ATXN7: variants seen among roughly 807,000 people sequenced by gnomAD.
ATXN7 encodes ataxin 7, also known as ataxin-7.
A neutral mutation model predicts 70.5 loss-of-function variants in ATXN7; 12 were observed. That is an observed-to-expected ratio of 0.17 (90% CI 0.11 to 0.28). The LOEUF is 0.28. Among genes scored for constraint, ATXN7 ranks in the 10% least tolerant of loss-of-function variants. The pLI is 1.00. For missense variants in ATXN7, 1,256 were observed against 1,131.7 expected, an observed-to-expected ratio of 1.11 and a Z score of -1.58; for synonymous variants, 498 against 448.7, an observed-to-expected ratio of 1.11 and a Z score of -1.39.
intron 1 of ATXN7, among the ~76,000 whole-genome samples, chr3:63,872,672 T>C (rs960083686): frequency 9.9e-5 from 15 of 152,222 alleles, no homozygotes; most frequent in African/African-American, 3.6e-4. Flanking sequence ...CCAAGTCATA[T>C]TGCACAGGAT....
At chr3:63,865,873 C>T (rs62250881) in intron 1 of ATXN7, among the ~76,000 whole-genome samples, 54 of 109,974 alleles carry the variant, frequency 4.9e-4, no homozygotes, top group African/African-American at 1.9e-3. Flanking sequence ...CCAGCCTGGG[C>T]GACAGAGCGA....
intron 5 of ATXN7, among the ~76,000 whole-genome samples, chr3:63,979,648 T>A (rs770170259): frequency 2.6e-5 from 4 of 152,160 alleles, no homozygotes; most frequent in African/African-American, 9.6e-5. Context: ...TTCTCATGTT[T>A]ACGATGGTTG....
At chr3:63,865,183 G>A (rs1403252108) in intron 1 of ATXN7, 1 of 152,222 alleles carries the variant, frequency 6.6e-6, no homozygotes, top group African/African-American at 2.4e-5. Flanking sequence ...AGAAGTTGCA[G>A]ATGCAAATGT....
At chr3:63,994,898 C>T (rs1015752070) in intron 11 of ATXN7, among the ~76,000 whole-genome samples, 5 of 152,244 alleles carry the variant, frequency 3.3e-5, no homozygotes, top group South Asian at 4.1e-4. Flanking sequence ...ACATTCTTAA[C>T]AGAATCCATT....
At chr3:63,930,571 G>T (rs1704911503) in intron 4 of ATXN7, among the ~76,000 whole-genome samples, 1 of 148,320 alleles carries the variant, frequency 6.7e-6, no homozygotes, top group Non-Finnish European at 1.5e-5. Flanking sequence ...TCGCTCTGTT[G>T]CCCAGGCTGG....
rs184678476 is a variant in ATXN7 at position 64,001,536 on chromosome 3, C to G, written c.*2069C>G. ...GCCTTTAGCAATGGAATTTACAGAT[C>G]GATCATGTTGTTCCGAAAGATGTGA... On this transcript the variant is annotated 3_prime_UTR_variant, in exon 13 of 13. Transcript: ENST00000674280. 6.6e-6 allele frequency: 1 copy of G among 152,288 alleles called. No homozygotes were observed. Among genetic ancestry groups the G allele is most frequent in the East Asian group, 1.9e-4 (1 of 5,184 alleles). 9.4% of individuals were successfully genotyped at this position (152,288 alleles called of 1,614,324 possible). A position where few individuals can be genotyped will look rare whatever the true frequency, so the allele number is the denominator to read the frequency against.
chr3:63,868,707 T>C (rs1032869812), intron 1 of ATXN7, among the ~76,000 whole-genome samples: 2 of 152,146 alleles, frequency 1.3e-5, no homozygotes, highest in African/African-American at 4.8e-5. Context: ...AGCATTATAT[T>C]TCTCTCTGTG....
At chr3:63,893,584 A>G (rs1703351960) in intron 1 of ATXN7, among the ~76,000 whole-genome samples, 1 of 152,214 alleles carries the variant, frequency 6.6e-6, no homozygotes, top group Non-Finnish European at 1.5e-5. Context: ...CTTTAAAAAT[A>G]AGACTCCACA....
chr3:63,867,249 T>G (rs1702457686), intron 1 of ATXN7, among the ~76,000 whole-genome samples: 1 of 152,212 alleles, frequency 6.6e-6, no homozygotes, highest in Non-Finnish European at 1.5e-5. Context: ...TGTAGTTGTT[T>G]TAGAAAAGAG....
At position 63,895,839 on chromosome 3, in the gene ATXN7, A is replaced by T. The variant is rs1213093426; in HGVS notation, c.-110-2560A>T. On this transcript the variant is annotated intron_variant, in intron 1 of 12. Transcript: ENST00000674280. ...TCTTTCTTGTTTTTTCTCCTGGGGG[A>T]AACGGGAGATAAGTGGCCTCTTGGG... 2.7e-5 allele frequency among the ~76,000 whole-genome samples: 4 copies of T among 148,640 alleles called. No homozygotes were observed. In the East Asian group the frequency reaches 7.9e-4, roughly 30 times the overall value.
At chr3:63,872,489 C>G (rs1443655775) in intron 1 of ATXN7, among the ~76,000 whole-genome samples, 1 of 152,140 alleles carries the variant, frequency 6.6e-6, no homozygotes, top group Non-Finnish European at 1.5e-5. Context: ...ATCAAATTTC[C>G]TCAGGTGGAG....
chr3:63,897,014 A>C (rs1703468781), intron 1 of ATXN7, among the ~76,000 whole-genome samples: 1 of 152,350 alleles, frequency 6.6e-6, no homozygotes, highest in East Asian at 1.9e-4. Flanking sequence ...TCTACTCTGA[A>C]GGAATCACCA....
At chr3:63,966,404 A>T (rs1245412679) in intron 5 of ATXN7, among the ~76,000 whole-genome samples, 1 of 152,136 alleles carries the variant, frequency 6.6e-6, no homozygotes, top group Non-Finnish European at 1.5e-5. Flanking sequence ...GCTTCAGTGA[A>T]TTAACTTAAA....
Position 63,863,913 on chromosome 3 carries a change from C to G in ATXN7, c.-356C>G, listed in dbSNP as rs867818374. 8.9e-6 allele frequency: 9 copies of G among 1,012,014 alleles called. No homozygotes were observed. Among genetic ancestry groups the G allele is most frequent in the Non-Finnish European group, 1.1e-5 (9 of 836,058 alleles). 62.7% of individuals were successfully genotyped at this position (1,012,014 alleles called of 1,614,324 possible). ...CCATGGAGGAGGAGGCGGCGGCGCC[C>G]GCGGCCGCCTGCTCCGACGCCTGAG... On this transcript the variant is annotated 5_prime_UTR_variant, in exon 1 of 13. Coordinates refer to ENST00000674280, the MANE Select transcript of ATXN7 (RefSeq NM_001377405.1).
At chr3:63,925,391 G>A (rs929287298) in intron 4 of ATXN7, among the ~76,000 whole-genome samples, 2 of 152,086 alleles carry the variant, frequency 1.3e-5, no homozygotes, top group Admixed American at 1.3e-4. Context: ...TGGGGGTGGG[G>A]GACTGAGCAT....
rs2075752811 is a variant in ATXN7 at position 63,995,990 on chromosome 3, C to T, written c.2168C>T (p.Ser723Phe). The change falls in exon 12 of 13, where the codon TCC (serine) becomes TTC (phenylalanine). Residue 723 changes from serine (S) to phenylalanine (F), a missense_variant. Transcript: ENST00000674280. ...LLVHSSSSSS[S>F]SSSSSHSMES... ...GTTCACTCTTCCTCCTCCTCTTCCT[C>T]CTCCTCCTCTTCTTCTCATTCCATG... 4 of 1,614,084 alleles carry T rather than the reference C, an allele frequency of 2.5e-6. No homozygotes were observed. The highest frequency in any genetic ancestry group is 1.3e-5 in the African/African-American group (1 of 74,930).
rs146743977 is a variant in ATXN7 at position 63,919,473 on chromosome 3, G to A, written c.394+6248G>A. On this transcript the variant is annotated intron_variant, in intron 4 of 12. Coordinates refer to ENST00000674280, the MANE Select transcript of ATXN7 (RefSeq NM_001377405.1). The stretch of plus-strand genomic sequence containing the variant: ...GAGAATCTTCAAAATAATAAAATCC[G>A]TTAGTCTTAAACCAAGAGTTCATTC... Among the ~76,000 whole-genome samples the A allele has an allele frequency of 1.6e-3, 240 of 152,212 alleles. 1 individual carries two copies. Among genetic ancestry groups the A allele is most frequent in the African/African-American group, 5.4e-3 (223 of 41,538 alleles).
At chr3:63,873,672 C>G (rs1559616391) in intron 1 of ATXN7, 1 of 152,162 alleles carries the variant, frequency 6.6e-6, no homozygotes, top group Admixed American at 6.5e-5. Flanking sequence ...CCTGGTTCAC[C>G]CGTCTCCTTC....
At chr3:63,985,036 C>T (rs1292072230) in intron 8 of ATXN7, among the ~76,000 whole-genome samples, 1 of 152,168 alleles carries the variant, frequency 6.6e-6, no homozygotes, top group Non-Finnish European at 1.5e-5. Flanking sequence ...CACCTGTTGA[C>T]AGACATTTAT....
Sources: allele counts gnomAD v4.1 joint callset (sites outside exome capture counted in the v4.1 genomes callset), GRCh38; gene constraint gnomAD v4.1.1; transcripts MANE v1.5; gene names NCBI Gene and HGNC (gene_info 2026-07-23, HGNC 2026-07-21).